ANKRD60: variants seen among roughly 807,000 people sequenced by gnomAD.
The protein encoded by ANKRD60 is ankyrin repeat domain 60, also known as ankyrin repeat domain-containing protein 60.
Under a neutral mutation model 21.3 loss-of-function variants are expected in ANKRD60, and 24 were observed. That is an observed-to-expected ratio of 1.13 (90% CI 0.82 to 1.59). The LOEUF is 1.59. Ranked by LOEUF, ANKRD60 falls within the 40% of genes most tolerant of loss-of-function variation. ANKRD60 has a pLI of 0.00. For missense variants in ANKRD60, 490 were observed against 466.7 expected, an observed-to-expected ratio of 1.05 and a Z score of -0.46; for synonymous variants, 182 against 199.4, an observed-to-expected ratio of 0.91 and a Z score of 0.74.
chr20:58,218,532 C>T (rs778895444), exon 4 of ANKRD60: 12 of 1,551,580 alleles, frequency 7.7e-6, no homozygotes, highest in South Asian at 3.6e-5. Context: ...AGACCTAAAC[C>T]CAGACTTGAC....
At chr20:58,217,811 A>G (rs1984164989), downstream of ANKRD60, among the ~76,000 whole-genome samples, 1 of 152,208 alleles carries the variant, frequency 6.6e-6, no homozygotes, top group East Asian at 1.9e-4. Flanking sequence ...ACCACTGGAG[A>G]TGGGACAAAA....
intron 1 of ANKRD60, among the ~76,000 whole-genome samples, chr20:58,224,300 C>G (rs1157954748): frequency 6.6e-6 from 1 of 152,204 alleles, no homozygotes; most frequent in Non-Finnish European, 1.5e-5. Flanking sequence ...CCAGGTGACA[C>G]AGTCTAGAGT....
chr20:58,221,750 G>A (rs1366205841), intron 2 of ANKRD60, among the ~76,000 whole-genome samples: 1 of 152,138 alleles, frequency 6.6e-6, no homozygotes, highest in East Asian at 1.9e-4. Flanking sequence ...CGGAACACAG[G>A]AAGGTCTTCC....
intron 3 of ANKRD60, among the ~76,000 whole-genome samples, chr20:58,219,860 G>A (rs903524245): frequency 6.6e-6 from 1 of 152,100 alleles, no homozygotes; most frequent in East Asian, 1.9e-4. Context: ...TTCTATCAGA[G>A]CAAAAATGAC....
downstream of ANKRD60, chr20:58,218,426 G>T: frequency 2.1e-6 from 3 of 1,436,050 alleles, no homozygotes; most frequent in South Asian, 2.7e-5. Flanking sequence ...CTCACCAAGG[G>T]CCCCCATGGG....
At chr20:58,225,957 A>G (rs1024848716) in intron 1 of ANKRD60, among the ~76,000 whole-genome samples, 1 of 152,154 alleles carries the variant, frequency 6.6e-6, no homozygotes, top group Non-Finnish European at 1.5e-5. Context: ...GATGGGCTCT[A>G]GGGTGCCTGG....
intron 2 of ANKRD60, among the ~76,000 whole-genome samples, 162 bp from the exon 3 acceptor site, chr20:58,221,665 C>G (rs1422721894): frequency 1.3e-5 from 2 of 152,258 alleles, no homozygotes; most frequent in East Asian, 1.9e-4. Flanking sequence ...GAGAAACACC[C>G]AGGACAGCAT....
downstream of ANKRD60, chr20:58,218,386 G>A: frequency 9.4e-7 from 1 of 1,062,798 alleles, no homozygotes. Context: ...ATCTGATTCA[G>A]GTTAATTGCC....
At position 58,228,251 on chromosome 20, in the gene ANKRD60, G is replaced by C; in HGVS notation, c.403C>G (p.Leu135Val). The C allele has an allele frequency of 6.4e-7, 1 of 1,550,904 alleles. No homozygotes were observed. The highest frequency in any genetic ancestry group is 8.7e-7 in the Non-Finnish European group (1 of 1,146,572). ...TCGTCGAGGTACTGGAGCCGCTGGA[G>C]GTTGAAGGGGATGCCGACCATCAGG... The change falls in exon 1 of 4, where the codon CTC (leucine) becomes GTC (valine). Residue 135 changes from leucine to valine, a missense_variant. By Grantham distance (32) the Leu-to-Val change is conservative (BLOSUM62 1). Coordinates refer to ENST00000457363, the Ensembl canonical transcript of ANKRD60. This position sits in a 1 kb window ranked among gnomAD's most constrained non-coding sequence, Gnocchi z 5.3.
At chr20:58,227,137 TAATA>T (rs1160607425) in intron 1 of ANKRD60, among the ~76,000 whole-genome samples, 1 of 152,160 alleles carries the variant, frequency 6.6e-6, no homozygotes, top group Non-Finnish European at 1.5e-5. Flanking sequence ...TTCGGGGTTC[TAATA>T]GTCACATAAT....
chr20:58,217,932 G>A (rs1033718259), downstream of ANKRD60, among the ~76,000 whole-genome samples: 4 of 152,138 alleles, frequency 2.6e-5, no homozygotes, highest in South Asian at 8.3e-4. Flanking sequence ...TCTGGAGAGT[G>A]TGTGTGGACA....
At chr20:58,227,449 T>C (rs1200976027) in intron 1 of ANKRD60, among the ~76,000 whole-genome samples, 2 of 151,902 alleles carry the variant, frequency 1.3e-5, no homozygotes, top group Admixed American at 1.3e-4. Context: ...AGATTTGGGG[T>C]TCAGTTGGGC....
At chr20:58,220,530 G>A (rs1007849082) in intron 3 of ANKRD60, among the ~76,000 whole-genome samples, 2 of 135,914 alleles carry the variant, frequency 1.5e-5, no homozygotes, top group African/African-American at 5.3e-5. Context: ...AGAGTGGAAG[G>A]AGGCCCTTAA....
intron 1 of ANKRD60, among the ~76,000 whole-genome samples, chr20:58,227,469 C>T (rs1337898060): frequency 1.3e-5 from 2 of 151,686 alleles, no homozygotes; most frequent in Non-Finnish European, 2.9e-5. Context: ...CATGTGTGCT[C>T]TGGATTTTGG....
exon 3 of ANKRD60, chr20:58,221,446 A>G: frequency 6.4e-7 from 1 of 1,552,062 alleles, no homozygotes; most frequent in Non-Finnish European, 8.7e-7. Flanking sequence ...TCACCCTCAA[A>G]ATGTTCTGAA....
At chr20:58,216,776 G>T (rs1252247947), downstream of ANKRD60, among the ~76,000 whole-genome samples, 1 of 152,206 alleles carries the variant, frequency 6.6e-6, no homozygotes, top group African/African-American at 2.4e-5. Context: ...AGTGGGAAAG[G>T]GTGGCCAGGA....
intron 3 of ANKRD60, among the ~76,000 whole-genome samples, chr20:58,219,061 A>G (rs1984192883): frequency 6.6e-6 from 1 of 150,702 alleles, no homozygotes; most frequent in South Asian, 2.1e-4. Context: ...GCTCACTCTC[A>G]CCCTACCTTC....
intron 3 of ANKRD60, among the ~76,000 whole-genome samples, chr20:58,219,462 A>G (rs598831): frequency 1 from 151,595 of 152,314 alleles, 75,445 homozygotes; most frequent in East Asian, 1. Context: ...TCCCGAGCAC[A>G]TAGCTCAGTG....
chr20:58,217,344 G>A (rs1175913578), downstream of ANKRD60, among the ~76,000 whole-genome samples: 11 of 151,964 alleles, frequency 7.2e-5, no homozygotes, highest in East Asian at 3.9e-4. Flanking sequence ...CAGGAGAATC[G>A]CTTGAACCCA....
Sources: allele counts gnomAD v4.1 joint callset (sites outside exome capture counted in the v4.1 genomes callset), GRCh38; gene constraint gnomAD v4.1.1; non-coding constraint Gnocchi (gnomAD v3.1); transcripts MANE v1.5; gene names NCBI Gene and HGNC (gene_info 2026-07-23, HGNC 2026-07-21).